GPC6: variants seen among roughly 807,000 people sequenced by gnomAD.
The protein encoded by GPC6 is glypican-6.
GPC6 carries 14 observed loss-of-function variants against 55.2 expected under a neutral mutation model. The observed-to-expected ratio is 0.25, with a 90% confidence interval of 0.17 to 0.40. GPC6 has a LOEUF of 0.40. GPC6 is among the 10% of genes least tolerant of loss of function. The probability of loss-of-function intolerance (pLI) is 1.00; values close to 1 mark genes in which losing one functional copy is unlikely to be tolerated. For synonymous variants in GPC6, 278 were observed against 259.6 expected, an observed-to-expected ratio of 1.07 and a Z score of -0.68; for missense variants, 641 against 708.5, an observed-to-expected ratio of 0.90 and a Z score of 1.08.
intron 1 of GPC6, among the ~76,000 whole-genome samples, chr13:93,369,352 G>A (rs139654198): frequency 2.4e-4 from 36 of 152,134 alleles, no homozygotes; most frequent in Non-Finnish European, 4.3e-4. Context: ...AAAGATATAC[G>A]ATGGAAACAT....
At chr13:93,605,929 T>C (rs1213731058) in intron 2 of GPC6, among the ~76,000 whole-genome samples, 1 of 151,984 alleles carries the variant, frequency 6.6e-6, no homozygotes, top group Non-Finnish European at 1.5e-5. Flanking sequence ...AACTTTTTGC[T>C]ATTTCAATTT....
chr13:94,293,132 T>C (rs1197924480), intron 5 of GPC6, among the ~76,000 whole-genome samples: 1 of 152,184 alleles, frequency 6.6e-6, no homozygotes, highest in Non-Finnish European at 1.5e-5. Flanking sequence ...GTGACAACCA[T>C]GGTTACCCTT....
At position 94,286,405 on chromosome 13, in the gene GPC6, A is replaced by C. The variant is rs746123499; in HGVS notation, c.934A>C (p.Met312Leu). Residue 312 changes from methionine to leucine, a missense_variant, in exon 5 of 9, where the codon ATG (methionine) becomes CTG (leucine). By Grantham distance (15) the Met-to-Leu change is conservative (BLOSUM62 2). Transcript: ENST00000377047. ...GGGGCCATTCAACATTGAGTCGGTC[A>C]TGGACCCGATAGATGTCAAGATTTC... ...LEGPFNIESV[M>L]DPIDVKISEA... 1.2e-6 allele frequency: 2 copies of C among 1,613,750 alleles called. No individual in the cohort carries two copies. Among genetic ancestry groups the C allele is most frequent in the East Asian group, 4.5e-5 (2 of 44,870 alleles).
chr13:94,184,617 C>A (rs529576365), intron 4 of GPC6, among the ~76,000 whole-genome samples: 1 of 151,950 alleles, frequency 6.6e-6, no homozygotes, highest in South Asian at 2.1e-4. Flanking sequence ...CAGGAATGGC[C>A]ATTATTAAAA....
At position 94,404,334 on chromosome 13, in the gene GPC6, G is replaced by C. The variant is rs1257647717; in HGVS notation, c.*1117G>C. ...AATATATATATATAGTATTGACATG[G>C]AGATTTCTTTCACTTTTTTAGTCTT... On this transcript the variant is annotated 3_prime_UTR_variant, in exon 9 of 9. Coordinates refer to ENST00000377047, the MANE Select transcript of GPC6 (RefSeq NM_005708.5). 2.0e-5 allele frequency: 3 copies of C among 152,050 alleles called. No individual in the cohort carries two copies. Among genetic ancestry groups the C allele is most frequent in the Admixed American group, 6.6e-5 (1 of 15,266 alleles). The allele number at this position is 152,050 out of a possible 1,614,324, so 9.4% of individuals were successfully genotyped here.
chr13:93,790,860 C>T (rs933685514), intron 2 of GPC6, among the ~76,000 whole-genome samples: 5 of 152,070 alleles, frequency 3.3e-5, no homozygotes, highest in South Asian at 2.1e-4. Context: ...CATTAGAGCT[C>T]GGCCTTAAAA....
At chr13:93,855,817 TTGCCATTTGTA>T (rs1429784101) in intron 3 of GPC6, among the ~76,000 whole-genome samples, 2 of 151,778 alleles carry the variant, frequency 1.3e-5, no homozygotes, top group Admixed American at 6.6e-5. Flanking sequence ...GTTTGCTTAT[TTGCCATTTGTA>T]TGCCATTTGT....
intron 2 of GPC6, among the ~76,000 whole-genome samples, chr13:93,566,153 G>A (rs1249368178): frequency 6.6e-6 from 1 of 152,170 alleles, no homozygotes; most frequent in Non-Finnish European, 1.5e-5. Context: ...AAGAGGCAGA[G>A]ATATGCTGTA....
intron 2 of GPC6, among the ~76,000 whole-genome samples, chr13:93,671,462 C>T (rs1183333290): frequency 1.3e-5 from 2 of 152,040 alleles, no homozygotes; most frequent in Non-Finnish European, 2.9e-5. Context: ...CTAAAGTAAG[C>T]TTTTCTGAAA....
intron 1 of GPC6, among the ~76,000 whole-genome samples, chr13:93,479,460 G>C (rs560770853): frequency 6.6e-6 from 1 of 152,114 alleles, no homozygotes. Context: ...TTAAAGTTAG[G>C]AGAAGTATCT....
At chr13:94,072,712 T>C (rs1884779651) in intron 4 of GPC6, among the ~76,000 whole-genome samples, 2 of 152,218 alleles carry the variant, frequency 1.3e-5, no homozygotes, top group Admixed American at 6.5e-5. Flanking sequence ...ACAATGAATA[T>C]TGCAAAGGCA....
At chr13:93,784,384 G>A (rs9524210) in intron 2 of GPC6, among the ~76,000 whole-genome samples, 1 of 151,916 alleles carries the variant, frequency 6.6e-6, no homozygotes, top group African/African-American at 2.4e-5. Context: ...CAATTCTACA[G>A]TACTAGGGCC....
At chr13:94,116,444 C>T (rs892937487) in intron 4 of GPC6, among the ~76,000 whole-genome samples, 4 of 152,052 alleles carry the variant, frequency 2.6e-5, no homozygotes, top group Non-Finnish European at 4.4e-5. Context: ...TACATATTAA[C>T]ATTTCATTCT....
intron 2 of GPC6, among the ~76,000 whole-genome samples, chr13:93,566,522 GGA>G (rs1876127631): frequency 6.7e-6 from 1 of 149,418 alleles, no homozygotes; most frequent in Admixed American, 6.6e-5. Context: ...TTGTCAAGTT[GGA>G]GAAAGTTTTT....
At chr13:93,560,026 C>T (rs1027483526) in intron 2 of GPC6, among the ~76,000 whole-genome samples, 14 of 152,036 alleles carry the variant, frequency 9.2e-5, no homozygotes, top group African/African-American at 2.4e-4. Context: ...GCTGTGCCTT[C>T]GCTGCACAGT....
At chr13:93,792,613 G>C (rs1292141187) in intron 2 of GPC6, among the ~76,000 whole-genome samples, 1 of 152,106 alleles carries the variant, frequency 6.6e-6, no homozygotes, top group South Asian at 2.1e-4. Flanking sequence ...ACCCAGCCCA[G>C]GTCTATAGGA....
chr13:93,606,825 A>T (rs1878255302), intron 2 of GPC6, among the ~76,000 whole-genome samples: 2 of 150,370 alleles, frequency 1.3e-5, no homozygotes, highest in Non-Finnish European at 2.9e-5. Flanking sequence ...AAAACTATGA[A>T]TTTGCATTCC....
At chr13:93,608,640 G>A (rs1878342254) in intron 2 of GPC6, among the ~76,000 whole-genome samples, 1 of 152,080 alleles carries the variant, frequency 6.6e-6, no homozygotes, top group African/African-American at 2.4e-5. Context: ...TCCTCAGATG[G>A]CATCTTTTAA....
chr13:93,833,095 ATAGG>A lies in GPC6; in HGVS notation c.711+2554_711+2557del, dbSNP rs1346125904. On this transcript the variant is annotated intron_variant, in intron 3 of 8. Transcript: ENST00000377047. The stretch of plus-strand genomic sequence containing the variant: ...GATGGATGGATGGATGGATGGGTAG[ATAGG>A]TAGATGATAGAGAGAGAGAGAGAGA... Among the ~76,000 whole-genome samples, 18 of 140,148 alleles carry A rather than the reference ATAGG, an allele frequency of 1.3e-4. 1 individual carries two copies. The highest frequency in any genetic ancestry group is 6.3e-4 in the East Asian group (3 of 4,752). 91.9% of individuals were successfully genotyped at this position (140,148 alleles called of 152,430 possible).
Sources: gnomAD v4.1 joint callset for allele counts (sites outside exome capture counted in the v4.1 genomes callset) on GRCh38, gnomAD v4.1.1 for gene constraint, MANE v1.5 for transcripts, NCBI Gene and HGNC (gene_info 2026-07-23, HGNC 2026-07-21) for gene names.